SLC16A5: variants seen among roughly 807,000 people sequenced by gnomAD.
SLC16A5 encodes the protein solute carrier family 16 member 5, also known as monocarboxylate transporter 6.
A neutral mutation model predicts 33.2 loss-of-function variants in SLC16A5; 29 were observed. That is an observed-to-expected ratio of 0.87 (90% CI 0.65 to 1.19). The LOEUF (loss-of-function observed/expected upper bound fraction) is 1.19. Ranked by LOEUF, SLC16A5 falls within the 50% of genes most tolerant of loss-of-function variation. The pLI is 0.00. For synonymous variants in SLC16A5, 248 were observed against 284.1 expected, an observed-to-expected ratio of 0.87 and a Z score of 1.28; for missense variants, 606 against 678.2, an observed-to-expected ratio of 0.89 and a Z score of 1.18.
intron 4 of SLC16A5, 54 bp downstream of exon 4, chr17:75,098,235 C>T (rs916228005): frequency 1.2e-6 from 2 of 1,604,766 alleles, no homozygotes; most frequent in Non-Finnish European, 1.7e-6. Flanking sequence ...AAGTGCCAGG[C>T]ACAAGTGGAC....
At chr17:75,090,326 A>C (rs1391634522) in intron 2 of SLC16A5, 1 of 152,456 alleles carries the variant, frequency 6.6e-6, no homozygotes, top group East Asian at 1.9e-4. Context: ...CTGGGCATCC[A>C]TACCGTGTAT....
chr17:75,104,279 G>C (rs2073836620), intron 6 of SLC16A5, 99 bp downstream of exon 6: 2 of 1,527,798 alleles, frequency 1.3e-6, no homozygotes, highest in Admixed American at 2.0e-5. Flanking sequence ...GCCCAGGAGG[G>C]GGACCTCTAG....
At chr17:75,095,180 G>A (rs1293063836) in intron 3 of SLC16A5, among the ~76,000 whole-genome samples, 10 of 152,230 alleles carry the variant, frequency 6.6e-5, no homozygotes, top group East Asian at 1.9e-4. Flanking sequence ...GGTGAGGCTC[G>A]GAGAAAGCGC....
chr17:75,095,848 A>G (rs1256256066), intron 3 of SLC16A5, among the ~76,000 whole-genome samples: 1 of 151,624 alleles, frequency 6.6e-6, no homozygotes, highest in Admixed American at 6.6e-5. Context: ...TTTAGTAGAG[A>G]CGGGGTTTCA....
At chr17:75,089,002 G>A (rs2073604680) in intron 1 of SLC16A5, 149 bp from the exon 2 acceptor site, 1 of 152,158 alleles carries the variant, frequency 6.6e-6, no homozygotes, top group African/African-American at 2.4e-5. Context: ...TGGTCTCATT[G>A]GGCCTAGGGG....
intron 5 of SLC16A5, 98 bp from the exon 6 acceptor site, chr17:75,103,872 C>G (rs1288588179): frequency 2.9e-6 from 3 of 1,051,568 alleles, no homozygotes; most frequent in Non-Finnish European, 4.3e-6. Context: ...ATTCCTAGTA[C>G]AGCAGAGACA....
At chr17:75,107,764 T>C (rs568765890), downstream of SLC16A5, among the ~76,000 whole-genome samples, 10 of 152,142 alleles carry the variant, frequency 6.6e-5, no homozygotes, top group Non-Finnish European at 1.3e-4. Flanking sequence ...CGGTGAAACC[T>C]CGTCTCTATT....
At chr17:75,104,292 C>T (rs2073836924) in intron 6 of SLC16A5, 112 bp downstream of exon 6, 1 of 1,509,434 alleles carries the variant, frequency 6.6e-7, no homozygotes, top group South Asian at 1.3e-5. Flanking sequence ...ACCTCTAGCT[C>T]CTTCACCAGG....
downstream of SLC16A5, chr17:75,106,174 G>T (rs4789141): frequency 8.1e-6 from 4 of 496,198 alleles, no homozygotes; most frequent in East Asian, 3.2e-5. Context: ...GTAGGAGGTT[G>T]GTTTGGATGA....
intron 1 of SLC16A5, among the ~76,000 whole-genome samples, chr17:75,088,308 A>G (rs2073594645): frequency 2.0e-5 from 3 of 151,930 alleles, no homozygotes; most frequent in Admixed American, 2.0e-4. Flanking sequence ...AGCAGCCCCA[A>G]CTCGGAGGAG....
At chr17:75,092,823 G>A (rs1157317904) in intron 2 of SLC16A5, among the ~76,000 whole-genome samples, 1 of 8,726 alleles carries the variant, frequency 1.1e-4, no homozygotes, top group Admixed American at 9.9e-4. Context: ...GTGCCACTGC[G>A]TGTGTGTGTG....
rs901810656 is a variant in SLC16A5, at chr17:75,093,632, A to G, written c.-5A>G. 1 of 1,607,512 alleles carries G rather than the reference A, an allele frequency of 6.2e-7. No individual in the cohort carries two copies. The highest frequency in any genetic ancestry group is 1.3e-5 in the African/African-American group (1 of 75,014). On this transcript the variant is annotated 5_prime_UTR_variant, in exon 3 of 7. Transcript: ENST00000329783. ...GTGAGGCCGTGGCAGCGTCGGCAGC[A>G]GAGGATGCCCCAGGCCCTGGAGCGT...
rs1401999778 is a variant in SLC16A5 at position 75,105,482 on chromosome 17, C to T, written c.1365-398C>T. The T allele has an allele frequency of 6.1e-6, 6 of 985,246 alleles. No individual in the cohort carries two copies. In the African/African-American group the frequency reaches 8.7e-5, roughly 14 times the overall value. 61.0% of individuals were successfully genotyped at this position (985,246 alleles called of 1,614,324 possible). On this transcript the variant is annotated intron_variant, in intron 6 of 6. Transcript: ENST00000329783. The stretch of plus-strand genomic sequence containing the variant: ...TTCCCTGCCGTGTTATTGGTGTCAA[C>T]CCTGGGGTAAGTGGCTGGCTGGACT...
chr17:75,090,298 G>A (rs2073620429), intron 2 of SLC16A5: 1 of 152,308 alleles, frequency 6.6e-6, no homozygotes, highest in Non-Finnish European at 1.5e-5. Context: ...TCGATGGGAG[G>A]GGAGGCTGGA....
At chr17:75,093,356 C>A (rs2073668035) in intron 2 of SLC16A5, 1 of 1,510,510 alleles carries the variant, frequency 6.6e-7, no homozygotes, top group Non-Finnish European at 8.9e-7. Flanking sequence ...TCCCTCCTGT[C>A]CCTCCTGTCC....
intron 4 of SLC16A5, among the ~76,000 whole-genome samples, chr17:75,099,482 T>TCTCAGCTCACTGCAACCTCCACAAC (rs998332210): frequency 3.9e-5 from 6 of 152,156 alleles, no homozygotes; most frequent in Admixed American, 3.9e-4. Flanking sequence ...AGTGGCACAA[T>TCTCAGCTCACTGCAACCTCCACAAC]CTCAGCTCAC....
rs570084266 is a variant in SLC16A5, at chr17:75,101,205, C to T, written c.1153+389C>T. 2.8e-4 allele frequency among the ~76,000 whole-genome samples: 42 copies of T among 149,916 alleles called. 1 individual carries two copies. Among genetic ancestry groups the T allele is most frequent in the Non-Finnish European group, 4.4e-4 (30 of 67,654 alleles). ...CAGAGCTTGCAGTGAGCTGAGATTGCGCCACTGCACTCCAGGCTGGGCAAC... is the reference window on the plus strand; with the variant it reads ...CAGAGCTTGCAGTGAGCTGAGATTGTGCCACTGCACTCCAGGCTGGGCAAC... On this transcript the variant is annotated intron_variant, in intron 5 of 6. Coordinates refer to ENST00000329783, the MANE Select transcript of SLC16A5 (RefSeq NM_004695.4).
intron 2 of SLC16A5, among the ~76,000 whole-genome samples, chr17:75,090,611 C>T (rs1307635866): frequency 6.6e-6 from 1 of 151,890 alleles, no homozygotes; most frequent in Non-Finnish European, 1.5e-5. Flanking sequence ...CAGGCGAGCC[C>T]CACCACGCCC....
At chr17:75,095,972 T>C (rs996847282) in intron 3 of SLC16A5, among the ~76,000 whole-genome samples, 4 of 151,728 alleles carry the variant, frequency 2.6e-5, no homozygotes, top group Non-Finnish European at 5.9e-5. Flanking sequence ...ACCCAGCTAA[T>C]TTTTTTACTT....
Sources: allele counts gnomAD v4.1 joint callset (sites outside exome capture counted in the v4.1 genomes callset), GRCh38; gene constraint gnomAD v4.1.1; transcripts MANE v1.5; gene names NCBI Gene and HGNC (gene_info 2026-07-23, HGNC 2026-07-21).